Variants in GAB4 observed in about 807,000 individuals in gnomAD.
GAB4 encodes GRB2-associated-binding protein 4.
GAB4 carries 26 observed loss-of-function variants against 51.3 expected under a neutral mutation model. The observed-to-expected ratio is 0.51, with a 90% confidence interval of 0.37 to 0.70. GAB4 has a LOEUF of 0.70. Among genes scored for constraint, GAB4 ranks in the 30% least tolerant of loss-of-function variants. The pLI is 0.00. For missense variants in GAB4, 759 were observed against 734.6 expected, an observed-to-expected ratio of 1.03 and a Z score of -0.38; for synonymous variants, 329 against 291.2, an observed-to-expected ratio of 1.13 and a Z score of -1.32.
intron 2 of GAB4, among the ~76,000 whole-genome samples, 178 bp from the exon 3 acceptor site, chr22:16,988,345 G>T (rs761190672): frequency 2.6e-5 from 4 of 152,206 alleles, no homozygotes; most frequent in African/African-American, 9.6e-5. Context: ...AGGAGCAGAC[G>T]CTCTGCCTCT....
At chr22:16,991,850 C>G in intron 2 of GAB4, 23 bp downstream of exon 2, 1 of 1,582,784 alleles carries the variant, frequency 6.3e-7, no homozygotes, top group Non-Finnish European at 8.6e-7. Flanking sequence ...CCTCCTGAGA[C>G]AGGGCTGTGT....
intron 9 of GAB4, 61 bp downstream of exon 9, chr22:16,963,663 GC>G: frequency 1.6e-6 from 2 of 1,215,392 alleles, no homozygotes; most frequent in Non-Finnish European, 2.4e-6. Context: ...GAAGGGCCTG[GC>G]CCCACAGTCT....
intron 9 of GAB4, 73 bp downstream of exon 9, chr22:16,963,652 T>C: frequency 9.3e-7 from 1 of 1,080,066 alleles, no homozygotes; most frequent in Non-Finnish European, 1.4e-6. Flanking sequence ...CTGCCGGTGC[T>C]GAAGGGCCTG....
chr22:16,978,371 A>ATACCAAC (rs1423991431), intron 3 of GAB4, among the ~76,000 whole-genome samples: 2 of 152,212 alleles, frequency 1.3e-5, no homozygotes, highest in Non-Finnish European at 2.9e-5. Context: ...CCCCACAGAA[A>ATACCAAC]TACCAACTAG....
chr22:16,995,180 AT>A (rs1240127485), intron 1 of GAB4, among the ~76,000 whole-genome samples: 1 of 152,060 alleles, frequency 6.6e-6, no homozygotes, highest in Non-Finnish European at 1.5e-5. Flanking sequence ...TACGTGTAGA[AT>A]TTGGGCTGAG....
chr22:16,964,581 C>A (rs1258467743), intron 8 of GAB4, among the ~76,000 whole-genome samples, 185 bp downstream of exon 8: 1 of 152,166 alleles, frequency 6.6e-6, no homozygotes, highest in Non-Finnish European at 1.5e-5. Flanking sequence ...GGGAGACCAT[C>A]ATCTTCCTAA....
chr22:16,972,334 A>G (rs959699732), intron 3 of GAB4, among the ~76,000 whole-genome samples: 1 of 152,158 alleles, frequency 6.6e-6, no homozygotes, highest in Non-Finnish European at 1.5e-5. Context: ...CTTCCATCTG[A>G]GTGAGCCCGG....
intron 1 of GAB4, among the ~76,000 whole-genome samples, chr22:17,007,174 A>AT (rs1189321269): frequency 6.6e-6 from 1 of 152,340 alleles, no homozygotes; most frequent in East Asian, 1.9e-4. Context: ...AGCCTCTTCT[A>AT]TGTACCTTGG....
At chr22:16,989,145 T>A (rs1569105168) in intron 2 of GAB4, among the ~76,000 whole-genome samples, 1 of 152,190 alleles carries the variant, frequency 6.6e-6, no homozygotes, top group Non-Finnish European at 1.5e-5. Context: ...TAGTTTTTAG[T>A]TTGTGTTTGC....
chr22:16,971,291 T>G (rs73145689), intron 3 of GAB4, among the ~76,000 whole-genome samples: 5,567 of 152,336 alleles, frequency 0.037, 137 homozygotes, highest in Middle Eastern at 0.11. Context: ...GCTGTGGCAG[T>G]TTCCAGCGCT....
chr22:16,988,344 C>T (rs889456672), intron 2 of GAB4, among the ~76,000 whole-genome samples, 177 bp from the exon 3 acceptor site: 5 of 152,204 alleles, frequency 3.3e-5, no homozygotes, highest in Admixed American at 6.5e-5. Context: ...GAGGAGCAGA[C>T]GCTCTGCCTC....
rs1279680008 is a variant in GAB4 at position 16,968,311 on chromosome 22, A to T, written c.1010T>A (p.Val337Asp). The T allele has an allele frequency of 6.2e-7, 1 of 1,612,902 alleles. No homozygotes were observed. Among genetic ancestry groups the T allele is most frequent in the Non-Finnish European group, 8.5e-7 (1 of 1,179,374 alleles). The change falls in exon 5 of 10, where the codon GTC (valine) becomes GAC (aspartate). Residue 337 changes from valine (V) to aspartate (D), a missense_variant. Physicochemically the swap from Val to Asp is radical, Grantham distance 152. Coordinates refer to ENST00000400588, the MANE Select transcript of GAB4 (RefSeq NM_001037814.1). Reference sequence around the variant, plus strand: ...AGCCATACTCACCAGGAAAGAACAGACTCCCTCATGCATGGACTCAGCAGG... The same window carrying T: ...AGCCATACTCACCAGGAAAGAACAGTCTCCCTCATGCATGGACTCAGCAGG... ...SRPAESMHEG[V>D]CSFLPGRTLV...
chr22:16,962,963 C>T, intron 9 of GAB4, 87 bp from the exon 10 acceptor site: 1 of 1,335,930 alleles, frequency 7.5e-7, no homozygotes, highest in Non-Finnish European at 1.0e-6. Flanking sequence ...CTCTCTCAAA[C>T]TTTCTCAGGG....
chr22:17,005,391 A>G (rs1346619255), intron 1 of GAB4, among the ~76,000 whole-genome samples: 2 of 152,252 alleles, frequency 1.3e-5, no homozygotes, highest in Non-Finnish European at 2.9e-5. Context: ...GCTCATGGAT[A>G]GGAAGAATCA....
intron 3 of GAB4, among the ~76,000 whole-genome samples, chr22:16,981,856 T>C (rs1252502084): frequency 6.6e-6 from 1 of 152,108 alleles, no homozygotes; most frequent in African/African-American, 2.4e-5. Context: ...ATAAAGATAA[T>C]TAATCTTGAT....
chr22:16,997,111 C>T (rs1329196669), intron 1 of GAB4, among the ~76,000 whole-genome samples: 1 of 152,144 alleles, frequency 6.6e-6, no homozygotes, highest in Non-Finnish European at 1.5e-5. Flanking sequence ...CATACGTGTG[C>T]ATGTGTCTTT....
rs760414737 is a variant in GAB4, at chr22:16,966,223, A to C, written c.1165T>G (p.Cys389Gly). 6 of 1,614,118 alleles carry C rather than the reference A, an allele frequency of 3.7e-6. No individual in the cohort carries two copies. The Admixed American group carries it at 5.0e-5, about 13-fold the overall frequency. ...CCAAGCAGGTCAAAGCGAACAAGACATGAGCCCACAGGGATGCAGACACCC... is the reference window on the plus strand; with the variant it reads ...CCAAGCAGGTCAAAGCGAACAAGACCTGAGCCCACAGGGATGCAGACACCC... Reference protein sequence around the residue: ...SQGVCIPVGSCLVRFDLLGSP... With the variant: ...SQGVCIPVGSGLVRFDLLGSP... Residue 389 changes from cysteine (C) to glycine (G), a missense_variant, in exon 6 of 10, where the codon TGT (cysteine) becomes GGT (glycine). Physicochemically the swap from Cys to Gly is radical, Grantham distance 159. This residue lies in a region of GAB4 where 588 missense variants were observed against 510.2 expected (regional missense o/e 1.15). Transcript: ENST00000400588.
intron 4 of GAB4, among the ~76,000 whole-genome samples, chr22:16,969,362 T>C (rs1298639533): frequency 2.0e-5 from 3 of 152,248 alleles, no homozygotes; most frequent in African/African-American, 7.2e-5. Flanking sequence ...TGTGCTGTAC[T>C]GTAACTAAGA....
chr22:16,965,723 C>T (rs2060667012), intron 6 of GAB4, among the ~76,000 whole-genome samples: 1 of 152,174 alleles, frequency 6.6e-6, no homozygotes, highest in African/African-American at 2.4e-5. Flanking sequence ...TTCCCTGTGG[C>T]CAGACCCACA....
Sources: gnomAD v4.1 joint callset for allele counts (sites outside exome capture counted in the v4.1 genomes callset) on GRCh38, gnomAD v4.1.1 for gene constraint, gnomAD v4.1.1 regional missense constraint, MANE v1.5 for transcripts, NCBI Gene and HGNC (gene_info 2026-07-23, HGNC 2026-07-21) for gene names.